The following ITSN1 variants were observed in gnomAD, a reference collection of about 807,000 sequenced individuals.
ITSN1 encodes intersectin-1.
Under a neutral mutation model 239.8 loss-of-function variants are expected in ITSN1, and 58 were observed. The ratio of observed to expected loss-of-function variants is 0.24; its 90% CI spans 0.20 to 0.30. ITSN1 has a LOEUF of 0.30. ITSN1 is among the 10% of genes least tolerant of loss of function. The pLI, the probability that ITSN1 is intolerant of heterozygous loss-of-function variation, is 1.00. For synonymous variants in ITSN1, 780 were observed against 770.8 expected (o/e 1.01, Z -0.20); for missense variants, 1,558 against 2,103.3 (o/e 0.74, Z 5.07).
At chr21:33,714,718 T>C (rs557294929) in intron 1 of ITSN1, among the ~76,000 whole-genome samples, 35 of 152,142 alleles carry the variant, frequency 2.3e-4, no homozygotes, top group Non-Finnish European at 3.1e-4. Context: ...CATAAAATCA[T>C]TTTTTCCTAA....
chr21:33,826,688 A>G (rs2073991512), intron 25 of ITSN1, 130 bp from the exon 26 acceptor site: 1 of 720,968 alleles, frequency 1.4e-6, no homozygotes. Context: ...CAGGTGATAC[A>G]GTGCTATGTT....
rs201592908 is a variant in ITSN1 at position 33,886,435 on chromosome 21, C to T, written c.4992C>T (p.Phe1664=). 1.6e-5 allele frequency: 26 copies of T among 1,605,090 alleles called. No individual in the cohort carries two copies. Among genetic ancestry groups the T allele is most frequent in the Non-Finnish European group, 1.8e-5 (21 of 1,175,836 alleles). Residue 1664 remains phenylalanine, a synonymous_variant, in exon 39 of 40, where the codon TTC becomes TTT. Transcript: ENST00000381318. The stretch of plus-strand genomic sequence containing the variant: ...AGGAAGTCCTCTGCATCACTGTGTT[C>T]GAGAGGGACCAGTTCTCACCAGATG... The part of the protein sequence containing the change: ...LEQEVLCITV[F]ERDQFSPDDF...
chr21:33,732,743 A>G (rs1318442271), intron 4 of ITSN1, among the ~76,000 whole-genome samples: 1 of 152,216 alleles, frequency 6.6e-6, no homozygotes, highest in Non-Finnish European at 1.5e-5. Flanking sequence ...ATAGCTAAAT[A>G]CAGCCTAAAT....
At chr21:33,850,136 G>T (rs2075112024) in intron 29 of ITSN1, among the ~76,000 whole-genome samples, 1 of 152,232 alleles carries the variant, frequency 6.6e-6, no homozygotes, top group Non-Finnish European at 1.5e-5. Context: ...TCCCTGAGAA[G>T]AATTTGATCT....
At chr21:33,752,277 A>C (rs1196594044) in intron 7 of ITSN1, among the ~76,000 whole-genome samples, 1 of 152,154 alleles carries the variant, frequency 6.6e-6, no homozygotes, top group Non-Finnish European at 1.5e-5. Context: ...TTATGTATAA[A>C]ATTTTTGTAT....
intron 1 of ITSN1, among the ~76,000 whole-genome samples, chr21:33,704,507 T>A (rs1412836502): frequency 6.6e-6 from 1 of 152,210 alleles, no homozygotes; most frequent in Non-Finnish European, 1.5e-5. Context: ...CATTGTTTAA[T>A]AACTGTATAA....
At chr21:33,774,704 T>A in intron 12 of ITSN1, 25 bp from the exon 13 acceptor site, 2 of 1,601,594 alleles carry the variant, frequency 1.2e-6, no homozygotes, top group Non-Finnish European at 1.7e-6. Flanking sequence ...GAAAAATTAG[T>A]AATTTGTCTC....
intron 27 of ITSN1, among the ~76,000 whole-genome samples, chr21:33,830,766 A>G (rs755640338): frequency 2.6e-5 from 4 of 152,186 alleles, no homozygotes; most frequent in Non-Finnish European, 5.9e-5. Flanking sequence ...ACAGAAAGCA[A>G]TAACTGTACT....
chr21:33,756,306 A>T, intron 8 of ITSN1, among the ~76,000 whole-genome samples: 1 of 151,316 alleles, frequency 6.6e-6, no homozygotes, highest in East Asian at 2.0e-4. Context: ...AAAAAAAAAA[A>T]AGAAAGTTAT....
chr21:33,867,130 A>G (rs1199320703), intron 32 of ITSN1, 103 bp from the exon 33 acceptor site: 1 of 711,652 alleles, frequency 1.4e-6, no homozygotes, highest in East Asian at 2.5e-5. Flanking sequence ...TCATCCAGAT[A>G]AATGAGATAA....
At chr21:33,646,283 C>T (rs772387410) in intron 1 of ITSN1, among the ~76,000 whole-genome samples, 1 of 152,136 alleles carries the variant, frequency 6.6e-6, no homozygotes, top group South Asian at 2.1e-4. Context: ...AGATTCAGAA[C>T]AAAGCATTTG....
intron 29 of ITSN1, among the ~76,000 whole-genome samples, chr21:33,855,211 A>G (rs1979091345): frequency 6.6e-6 from 1 of 152,226 alleles, no homozygotes; most frequent in Non-Finnish European, 1.5e-5. Context: ...CTTGAACATT[A>G]GTGCGCCAAA....
At chr21:33,883,850 A>G (rs1985341260) in intron 36 of ITSN1, among the ~76,000 whole-genome samples, 179 bp downstream of exon 36, 1 of 148,866 alleles carries the variant, frequency 6.7e-6, no homozygotes, top group Non-Finnish European at 1.5e-5. Context: ...GTCACATGGC[A>G]TGCCCTTTCC....
intron 31 of ITSN1, among the ~76,000 whole-genome samples, chr21:33,860,316 A>G (rs1297946869): frequency 7.4e-6 from 1 of 134,532 alleles, no homozygotes; most frequent in Non-Finnish European, 1.6e-5. Flanking sequence ...TCAAAAAAAG[A>G]AAAAAAAAAA....
At chr21:33,759,505 G>C (rs1486058198) in intron 8 of ITSN1, among the ~76,000 whole-genome samples, 3 of 152,098 alleles carry the variant, frequency 2.0e-5, no homozygotes, top group African/African-American at 7.2e-5. Flanking sequence ...ATTGTTACAA[G>C]TGTAAATTAA....
Position 33,735,096 on chromosome 21 carries a change from A to G in ITSN1, c.238A>G (p.Ile80Val), listed in dbSNP as rs758689244. ...DGRMDQVEFSIAMKLIKLKLQ... is the reference protein window; with the variant it reads ...DGRMDQVEFSVAMKLIKLKLQ... ...AAGAATGGATCAAGTGGAGTTTTCC[A>G]TAGCTATGAAACTTATCAAACTGAA... The change falls in exon 5 of 40, where the codon ATA becomes GTA. Residue 80 changes from isoleucine (I) to valine (V), a missense_variant. Transcript: ENST00000381318. 1.7e-5 allele frequency: 27 copies of G among 1,613,838 alleles called. No homozygotes were observed. The African/African-American group carries it at 3.3e-4, about 20-fold the overall frequency.
intron 9 of ITSN1, among the ~76,000 whole-genome samples, chr21:33,762,270 CTTTTTTTTTT>C (rs1218226970): frequency 1.4e-5 from 2 of 144,310 alleles, no homozygotes; most frequent in African/African-American, 5.0e-5. Context: ...ATTTCTTTTT[CTTTTTTTTTT>C]TTTGAGATGG....
chr21:33,644,630 T>C (rs561792964), intron 1 of ITSN1, among the ~76,000 whole-genome samples: 1 of 152,106 alleles, frequency 6.6e-6, no homozygotes, highest in African/African-American at 2.4e-5. Context: ...AAGTTAGTTC[T>C]GTGAAATGTT....
At chr21:33,861,157 A>G (rs182817861) in intron 31 of ITSN1, among the ~76,000 whole-genome samples, 1 of 152,338 alleles carries the variant, frequency 6.6e-6, no homozygotes, top group African/African-American at 2.4e-5. Context: ...ATTTGAAAGA[A>G]TTGTAGAGTG....
Sources: gnomAD v4.1 joint callset for allele counts (sites outside exome capture counted in the v4.1 genomes callset) on GRCh38, gnomAD v4.1.1 for gene constraint, MANE v1.5 for transcripts, NCBI Gene and HGNC (gene_info 2026-07-23, HGNC 2026-07-21) for gene names.